SALL3: variants seen among roughly 807,000 people sequenced by gnomAD.
The protein encoded by SALL3 is sal-like protein 3.
In SALL3, 25 loss-of-function variants were observed where a neutral mutation model predicts 66.2. That is an observed-to-expected ratio of 0.38 (90% confidence interval 0.28 to 0.53). SALL3 has a LOEUF of 0.53. Among genes scored for constraint, SALL3 ranks in the 20% least tolerant of loss-of-function variants. SALL3 has a pLI of 0.85. For missense variants in SALL3, 2,194 were observed against 1,916.5 expected (o/e 1.14, Z -2.70); for synonymous variants, 1,152 against 899.1 (o/e 1.28, Z -5.03).
Position 78,997,179 on chromosome 18 carries a change from G to T in SALL3, c.3760G>T (p.Gly1254Cys), listed in dbSNP as rs1914725698. The T allele has an allele frequency of 6.2e-7, 1 of 1,613,864 alleles. No individual in the cohort carries two copies. The highest frequency in any genetic ancestry group is 8.5e-7 in the Non-Finnish European group (1 of 1,180,030). ...SLGGSALPPL[G>C]SMASGMDKAR... ...TGGGGGCAGCGCCCTCCCCCCTCTGGGCAGCATGGCCAGTGGGATGGACAA... is the reference window on the plus strand; with the variant it reads ...TGGGGGCAGCGCCCTCCCCCCTCTGTGCAGCATGGCCAGTGGGATGGACAA... The change falls in exon 3 of 3, where the codon GGC becomes TGC. Residue 1254 changes from glycine to cysteine, a missense_variant. Physicochemically the swap from Gly to Cys is radical, Grantham distance 159 (BLOSUM62 -3). Coordinates refer to ENST00000537592, the MANE Select transcript of SALL3 (RefSeq NM_171999.4).
chr18:78,992,849 C>G lies in SALL3; in HGVS notation c.858C>G (p.Phe286Leu). 1.0e-6 allele frequency: 1 copy of G among 981,216 alleles called. No individual in the cohort carries two copies. The highest frequency in any genetic ancestry group is 1.2e-6 in the Non-Finnish European group (1 of 828,664). 60.8% of individuals were successfully genotyped at this position (981,216 alleles called of 1,614,324 possible). Residue 286 changes from phenylalanine to leucine, a missense_variant, in exon 2 of 3, where the codon TTC becomes TTG. Physicochemically the swap from Phe to Leu is conservative, Grantham distance 22. Coordinates refer to ENST00000537592, the MANE Select transcript of SALL3 (RefSeq NM_171999.4). ...AGSGPAAPAA[F>L]EGAQPLSRPE... ...CGGGCCCCGCCGCCCCGGCCGCCTT[C>G]GAGGGCGCGCAGCCGCTGTCCCGGC...
chr18:78,982,242 C>A, intron 1 of SALL3, among the ~76,000 whole-genome samples: 1 of 152,212 alleles, frequency 6.6e-6, no homozygotes, highest in East Asian at 1.9e-4. Context: ...TTCACAAGTT[C>A]TACTTTGAAT....
At position 78,992,537 on chromosome 18, in the gene SALL3, G is replaced by A. The variant is rs1296315069; in HGVS notation, c.546G>A (p.Ser182=). ...CCAAGGTGGCGGTGGCGCAGTTCTC[G>A]CAGGGCGCGCGCGCGGCAGGCGGCT... is the stretch of plus-strand genomic sequence containing the variant. ...LSTKVAVAQF[S]QGARAAGGSG... is the part of the protein sequence containing the mutation. The change falls in exon 2 of 3, where the codon TCG becomes TCA. Residue 182 remains serine (S), a synonymous_variant. Transcript: ENST00000537592. 1.3e-6 allele frequency: 2 copies of A among 1,494,896 alleles called. No homozygotes were observed. Among genetic ancestry groups the A allele is most frequent in the Non-Finnish European group, 1.8e-6 (2 of 1,128,802 alleles). 92.6% of individuals were successfully genotyped at this position (1,494,896 alleles called of 1,614,324 possible). A position where few individuals can be genotyped will look rare whatever the true frequency, so the allele number is the denominator to read the frequency against.
chr18:78,984,346 C>T (rs1487183276), intron 1 of SALL3, among the ~76,000 whole-genome samples: 3 of 152,172 alleles, frequency 2.0e-5, no homozygotes, highest in Non-Finnish European at 2.9e-5. Context: ...CAATAAAAAT[C>T]TTTTTCACTT....
rs1451901923 is a variant in SALL3, at chr18:78,997,269, A to G, written c.3850A>G (p.Ser1284Gly). The stretch of plus-strand genomic sequence containing the variant: ...CAAAGCGAGCTCAGAAACAGCAGCC[A>G]GCCGCCCATTCACGCGGTTTATCGA... ...LDKASSETAA[S>G]RPFTRFIEDN... is the part of the protein sequence containing the mutation. The change falls in exon 3 of 3, where the codon AGC becomes GGC. Residue 1284 changes from serine to glycine, a missense_variant. By Grantham distance (56) the Ser-to-Gly change is moderately conservative. Coordinates refer to ENST00000537592, the MANE Select transcript of SALL3 (RefSeq NM_171999.4). 6.2e-7 allele frequency: 1 copy of G among 1,614,054 alleles called. No individual in the cohort carries two copies. The highest frequency in any genetic ancestry group is 8.5e-7 in the Non-Finnish European group (1 of 1,180,046).
At chr18:78,989,908 T>C (rs920894948) in intron 1 of SALL3, among the ~76,000 whole-genome samples, 2 of 152,228 alleles carry the variant, frequency 1.3e-5, no homozygotes, top group Non-Finnish European at 1.5e-5. Flanking sequence ...TAGATTTTTG[T>C]TTTTAAACAT....
chr18:78,993,618 T>A lies in SALL3; in HGVS notation c.1627T>A (p.Ser543Thr), dbSNP rs752587726. The change falls in exon 2 of 3, where the codon TCT becomes ACT. Residue 543 changes from serine to threonine, a missense_variant. Physicochemically the swap from Ser to Thr is moderately conservative, Grantham distance 58 (BLOSUM62 1). Transcript: ENST00000537592. ...CCCTGGCGCGCACGGCTACGCCGAC[T>A]CTCCCAGCGCCACCCCAGCCAGCCG... is the stretch of plus-strand genomic sequence containing the variant. ...TVPGAHGYAD[S>T]PSATPASRSP... The A allele has an allele frequency of 1.0e-4, 165 of 1,584,894 alleles. No individual in the cohort carries two copies. Among genetic ancestry groups the A allele is most frequent in the Non-Finnish European group, 1.3e-4 (157 of 1,173,334 alleles).
rs774043309 is a variant in SALL3, at chr18:78,994,462, C to T, written c.2471C>T (p.Ser824Phe). The change falls in exon 2 of 3, where the codon TCC becomes TTC. Residue 824 changes from serine (S) to phenylalanine (F), a missense_variant. Ser to Phe is a radical substitution (Grantham distance 155). Coordinates refer to ENST00000537592, the MANE Select transcript of SALL3 (RefSeq NM_171999.4). Reference sequence around the variant, plus strand: ...ACCGACCCGGCCAAGCCACTCCTGTCCTACGCGGGGTCCTGCCCGCCCTCC... The same window carrying T: ...ACCGACCCGGCCAAGCCACTCCTGTTCTACGCGGGGTCCTGCCCGCCCTCC... ...AATDPAKPLL[S>F]YAGSCPPSPP... is the part of the protein sequence containing the mutation. The T allele has an allele frequency of 7.4e-6, 12 of 1,612,564 alleles. No homozygotes were observed. The highest frequency in any genetic ancestry group is 1.3e-5 in the African/African-American group (1 of 74,934).
intron 1 of SALL3, among the ~76,000 whole-genome samples, chr18:78,985,637 G>C (rs1914223010): frequency 6.6e-6 from 1 of 152,220 alleles, no homozygotes; most frequent in South Asian, 2.1e-4. Context: ...CTGATCCCGA[G>C]TGTGAGCGGG....
At position 78,992,264 on chromosome 18, in the gene SALL3, C is replaced by T. The variant is rs1282662707; in HGVS notation, c.273C>T (p.Pro91=). Residue 91 remains proline (P), a synonymous_variant, in exon 2 of 3, where the codon CCC becomes CCT. Coordinates refer to ENST00000537592, the MANE Select transcript of SALL3 (RefSeq NM_171999.4). The part of the protein sequence containing the change: ...IVHEDAPAPP[P]EDFPEPSPAS... ...ACGAGGACGCGCCCGCGCCGCCCCC[C>T]GAGGACTTCCCCGAGCCTTCGCCCG... 3 of 1,564,402 alleles carry T rather than the reference C, an allele frequency of 1.9e-6. No individual in the cohort carries two copies. The highest frequency in any genetic ancestry group is 2.8e-5 in the African/African-American group (2 of 71,610).
In SALL3 at chr18:78,992,665, A is replaced by T. The variant is rs1914489178; in HGVS notation, c.674A>T (p.Gln225Leu). ...ATCCACCAGCTGCAGCTCATCGAGC[A>T]GATCCGCAGCCAGGTGGCCCTCATG... ...QQIHQLQLIE[Q>L]IRSQVALMQR... The change falls in exon 2 of 3, where the codon CAG becomes CTG. Residue 225 changes from glutamine to leucine, a missense_variant. Coordinates refer to ENST00000537592, the MANE Select transcript of SALL3 (RefSeq NM_171999.4). 1 of 1,541,538 alleles carries T rather than the reference A, an allele frequency of 6.5e-7. No homozygotes were observed. The highest frequency in any genetic ancestry group is 8.7e-7 in the Non-Finnish European group (1 of 1,149,704).
rs1914734826 is a variant in SALL3, at chr18:78,997,363, GA to G, written c.*43del. On this transcript the variant is annotated 3_prime_UTR_variant, in exon 3 of 3. Coordinates refer to ENST00000537592, the MANE Select transcript of SALL3 (RefSeq NM_171999.4). ...TCTGCCCTGCCCAGGCCCACGTTTT[GA>G]AGTTGGAGCATCAGGCCTCCGACCT... The G allele has an allele frequency of 1.3e-6, 2 of 1,576,540 alleles. No homozygotes were observed. The highest frequency in any genetic ancestry group is 1.7e-5 in the Admixed American group (1 of 58,524).
At position 78,994,945 on chromosome 18, in the gene SALL3, C is replaced by G; in HGVS notation, c.2954C>G (p.Pro985Arg). The G allele has an allele frequency of 6.2e-7, 1 of 1,613,712 alleles. No homozygotes were observed. Among genetic ancestry groups the G allele is most frequent in the Non-Finnish European group, 8.5e-7 (1 of 1,179,988 alleles). ...ACTGTGTGTGGTGTCTGTGGCAAGC[C>G]TTTTGCTTGCAAGAGCGCGTTGGAA... ...PSTVCGVCGK[P>R]FACKSALEIH... Residue 985 changes from proline (P) to arginine (R), a missense_variant, in exon 2 of 3, where the codon CCT becomes CGT. Coordinates refer to ENST00000537592, the MANE Select transcript of SALL3 (RefSeq NM_171999.4).
rs1369798308 is a variant in SALL3 at position 78,995,043 on chromosome 18, G to C, written c.3052G>C (p.Gly1018Arg). The C allele has an allele frequency of 6.2e-7, 1 of 1,613,724 alleles. No homozygotes were observed. Among genetic ancestry groups the C allele is most frequent in the East Asian group, 2.2e-5 (1 of 44,888 alleles). ...ALCRRGCSTMGNLKQHLLTHR... is the reference protein window; with the variant it reads ...ALCRRGCSTMRNLKQHLLTHR... Reference sequence around the variant, plus strand: ...CTGCAGGCGAGGGTGCTCCACTATGGGTAATTTAAAACAGCACTTACTGAC... The same window carrying C: ...CTGCAGGCGAGGGTGCTCCACTATGCGTAATTTAAAACAGCACTTACTGAC... Residue 1018 changes from glycine (G) to arginine (R), a missense_variant, in exon 2 of 3, where the codon GGT becomes CGT. Physicochemically the swap from Gly to Arg is moderately radical, Grantham distance 125. Transcript: ENST00000537592.
In SALL3 at chr18:78,980,315, C is replaced by G. The variant is rs1402066070; in HGVS notation, c.41C>G (p.Ser14Trp). 1 of 1,438,482 alleles carries G rather than the reference C, an allele frequency of 7.0e-7. No homozygotes were observed. Among genetic ancestry groups the G allele is most frequent in the Non-Finnish European group, 9.2e-7 (1 of 1,089,964 alleles). The allele number at this position is 1,438,482 out of a possible 1,614,324, so 89.1% of individuals were successfully genotyped here. Residue 14 changes from serine (S) to tryptophan (W), a missense_variant, in exon 1 of 3, where the codon TCG becomes TGG. Physicochemically the swap from Ser to Trp is radical, Grantham distance 177 (BLOSUM62 -3). Coordinates refer to ENST00000537592, the MANE Select transcript of SALL3 (RefSeq NM_171999.4). Reference sequence around the variant, plus strand: ...CAGGCCAAGCCCCAGCACCTCAAGTCGGACGAGGAGCTGCTGCCGCCTGAC... The same window carrying G: ...CAGGCCAAGCCCCAGCACCTCAAGTGGGACGAGGAGCTGCTGCCGCCTGAC... ...RKQAKPQHLK[S>W]DEELLPPDGA...
Position 78,997,437 on chromosome 18 carries a change from T to C in SALL3, c.*115T>C, listed in dbSNP as rs1474214009. ...ACTTTCACCCATAGCAGAAAACACT[T>C]TGTGCGGCTGCCGAGAGGTGGTCTT... On this transcript the variant is annotated 3_prime_UTR_variant, in exon 3 of 3. Coordinates refer to ENST00000537592, the MANE Select transcript of SALL3 (RefSeq NM_171999.4). The C allele has an allele frequency of 9.3e-7, 1 of 1,080,236 alleles. No homozygotes were observed. Among genetic ancestry groups the C allele is most frequent in the African/African-American group, 1.6e-5 (1 of 63,448 alleles). The allele number at this position is 1,080,236 out of a possible 1,614,324, so 66.9% of individuals were successfully genotyped here.
chr18:78,980,330 T>C lies in SALL3; in HGVS notation c.56T>C (p.Leu19Pro). Reference protein sequence around the residue: ...PQHLKSDEELLPPDGAPEHAA... With the variant: ...PQHLKSDEELPPPDGAPEHAA... Reference sequence around the variant, plus strand: ...CACCTCAAGTCGGACGAGGAGCTGCTGCCGCCTGACGGGGCTCCCGAGCAC... The same window carrying C: ...CACCTCAAGTCGGACGAGGAGCTGCCGCCGCCTGACGGGGCTCCCGAGCAC... The change falls in exon 1 of 3, where the codon CTG becomes CCG. Residue 19 changes from leucine to proline, a missense_variant. Transcript: ENST00000537592. 6.9e-7 allele frequency: 1 copy of C among 1,441,364 alleles called. No individual in the cohort carries two copies. The highest frequency in any genetic ancestry group is 9.2e-7 in the Non-Finnish European group (1 of 1,091,730). 89.3% of individuals were successfully genotyped at this position (1,441,364 alleles called of 1,614,324 possible). A position where few individuals can be genotyped will look rare whatever the true frequency, so the allele number is the denominator to read the frequency against.
chr18:78,997,397 C>A lies in SALL3; in HGVS notation c.*75C>A. On this transcript the variant is annotated 3_prime_UTR_variant, in exon 3 of 3. Coordinates refer to ENST00000537592, the MANE Select transcript of SALL3 (RefSeq NM_171999.4). Reference sequence around the variant, plus strand: ...GCATCAGGCCTCCGACCTTTCTTGCCTCGGTTCTCATTACACTTTCACCCA... The same window carrying A: ...GCATCAGGCCTCCGACCTTTCTTGCATCGGTTCTCATTACACTTTCACCCA... 6.9e-7 allele frequency: 1 copy of A among 1,446,832 alleles called. No individual in the cohort carries two copies. Among genetic ancestry groups the A allele is most frequent in the Non-Finnish European group, 9.5e-7 (1 of 1,049,270 alleles). The allele number at this position is 1,446,832 out of a possible 1,614,324, so 89.6% of individuals were successfully genotyped here.
In SALL3 at chr18:78,994,825, C is replaced by G. The variant is rs760579516; in HGVS notation, c.2834C>G (p.Pro945Arg). Residue 945 changes from proline (P) to arginine (R), a missense_variant, in exon 2 of 3, where the codon CCG becomes CGG. Pro to Arg is a moderately radical substitution (Grantham distance 103, BLOSUM62 -2). Transcript: ENST00000537592. ...TERPDSPAAA[P>R]GSGGAPGRAG... ...AGGCCGGACAGCCCAGCCGCCGCCC[C>G]GGGCAGCGGAGGCGCCCCTGGCCGC... The G allele has an allele frequency of 6.3e-7, 1 of 1,596,390 alleles. No individual in the cohort carries two copies. The highest frequency in any genetic ancestry group is 1.1e-5 in the South Asian group (1 of 89,680).
Sources: gnomAD v4.1 joint callset for allele counts (sites outside exome capture counted in the v4.1 genomes callset) on GRCh38, gnomAD v4.1.1 for gene constraint, MANE v1.5 for transcripts, NCBI Gene and HGNC (gene_info 2026-07-23, HGNC 2026-07-21) for gene names.